Variants in DACH2 observed in about 807,000 individuals in gnomAD.
The protein encoded by DACH2 is dachshund homolog 2.
In DACH2, 17 loss-of-function variants were observed where a neutral mutation model predicts 35.8. The ratio of observed to expected loss-of-function variants is 0.48; its 90% CI spans 0.33 to 0.71. The LOEUF (loss-of-function observed/expected upper bound fraction) is 0.71, where lower values mean the gene tolerates loss of function less well. DACH2 is among the 30% of genes least tolerant of loss of function. The probability of loss-of-function intolerance (pLI) is 0.02; values close to 1 mark genes in which losing one functional copy is unlikely to be tolerated. For missense variants in DACH2, 469 were observed against 472.7 expected (o/e 0.99, Z 0.07); for synonymous variants, 195 against 177.3 (o/e 1.10, Z -0.79).
At chrX:86,795,232 C>CTTTT (rs35324617) in intron 7 of DACH2, among the ~76,000 whole-genome samples, 1 of 85,177 alleles carries the variant, frequency 1.2e-5, no homozygotes, top group Admixed American at 1.4e-4. Flanking sequence ...GAAGCATGTT[C>CTTTT]TTTTTTTTTT....
intron 5 of DACH2, among the ~76,000 whole-genome samples, chrX:86,707,423 A>C (rs1298102694): frequency 9.0e-6 from 1 of 111,668 alleles, no homozygotes; most frequent in Non-Finnish European, 1.9e-5. Context: ...AAAATATACC[A>C]ATTCTCTGCA....
At chrX:86,243,712 A>G (rs1374275218) in intron 1 of DACH2, among the ~76,000 whole-genome samples, 2 of 112,310 alleles carry the variant, frequency 1.8e-5, no homozygotes, top group Non-Finnish European at 3.8e-5. Context: ...GTTCATCAGA[A>G]TAAGACTGTA....
chrX:86,204,780 C>T (rs1035110322), intron 1 of DACH2, among the ~76,000 whole-genome samples: 4 of 111,786 alleles, frequency 3.6e-5, no homozygotes, highest in African/African-American at 1.3e-4. Context: ...TATTGGCACT[C>T]ACAGCAGCAG....
At chrX:86,595,113 A>G (rs1434845901) in intron 3 of DACH2, among the ~76,000 whole-genome samples, 1 of 110,462 alleles carries the variant, frequency 9.1e-6, no homozygotes, top group Non-Finnish European at 1.9e-5. Context: ...TTTCTTCTTC[A>G]ATTATATATT....
At chrX:86,532,671 T>G (rs540077843) in intron 3 of DACH2, among the ~76,000 whole-genome samples, 2 of 111,376 alleles carry the variant, frequency 1.8e-5, no homozygotes, top group Non-Finnish European at 3.8e-5. Context: ...AGTATGAAAA[T>G]GAACTAATAG....
At chrX:86,161,407 T>A in intron 1 of DACH2, 1 of 705,442 alleles carries the variant, frequency 1.4e-6, no homozygotes, top group Non-Finnish European at 2.0e-6. Context: ...CCTGGCAAAT[T>A]ACATGAGGCC....
At chrX:86,707,809 G>A (rs964471706) in intron 5 of DACH2, among the ~76,000 whole-genome samples, 2 of 104,484 alleles carry the variant, frequency 1.9e-5, no homozygotes, top group African/African-American at 7.1e-5. Flanking sequence ...CAGCTACTTG[G>A]GAGGCTGAAG....
chrX:86,813,362 G>T, intron 9 of DACH2, 85 bp downstream of exon 9: 1 of 891,488 alleles, frequency 1.1e-6, no homozygotes, highest in Non-Finnish European at 1.5e-6. Context: ...AAGATATCTT[G>T]GAGGCTGAGG....
chrX:86,467,905 G>T (rs779316453), intron 2 of DACH2, among the ~76,000 whole-genome samples: 2 of 111,446 alleles, frequency 1.8e-5, no homozygotes, highest in East Asian at 5.7e-4. Flanking sequence ...CATGAGAAGA[G>T]CACGGAGGTA....
At chrX:86,333,918 C>G (rs781508060) in intron 1 of DACH2, among the ~76,000 whole-genome samples, 95 of 111,077 alleles carry the variant, frequency 8.6e-4, no homozygotes, top group African/African-American at 3.1e-3. Flanking sequence ...TCCCCCACCA[C>G]CCAGCAGGCC....
intron 1 of DACH2, among the ~76,000 whole-genome samples, chrX:86,251,843 C>T (rs1173393050): frequency 2.7e-5 from 3 of 111,474 alleles, no homozygotes; most frequent in African/African-American, 9.8e-5. Flanking sequence ...TTATTTTCCT[C>T]TGGATGGGTA....
At chrX:86,463,344 C>T (rs1325392155) in intron 2 of DACH2, among the ~76,000 whole-genome samples, 2 of 109,472 alleles carry the variant, frequency 1.8e-5, no homozygotes, top group Non-Finnish European at 3.8e-5. Context: ...AAAAGTAAGA[C>T]GTGTAAATGC....
intron 2 of DACH2, among the ~76,000 whole-genome samples, chrX:86,442,806 G>C (rs1399913096): frequency 1.8e-5 from 2 of 110,700 alleles, no homozygotes; most frequent in Non-Finnish European, 3.8e-5. Context: ...TTGTGGAAGA[G>C]ACGGTCATTT....
chrX:86,333,997 A>G (rs2035258020), intron 1 of DACH2, among the ~76,000 whole-genome samples: 1 of 90,066 alleles, frequency 1.1e-5, no homozygotes, highest in South Asian at 3.9e-4. Flanking sequence ...ATGAGTGAGA[A>G]CATACACTGT....
intron 2 of DACH2, among the ~76,000 whole-genome samples, chrX:86,418,021 A>G (rs2036738551): frequency 9.0e-6 from 1 of 111,672 alleles, no homozygotes; most frequent in African/African-American, 3.3e-5. Context: ...TCCAACATCT[A>G]GCAGGGCAGT....
At chrX:86,209,850 T>C (rs1033008848) in intron 1 of DACH2, among the ~76,000 whole-genome samples, 1 of 111,322 alleles carries the variant, frequency 9.0e-6, no homozygotes, top group Admixed American at 9.6e-5. Flanking sequence ...AACAGAGTGA[T>C]AAATATAGAA....
At chrX:86,482,580 T>C (rs2037953311) in intron 2 of DACH2, among the ~76,000 whole-genome samples, 1 of 108,588 alleles carries the variant, frequency 9.2e-6, no homozygotes, top group Non-Finnish European at 1.9e-5. Context: ...TCAAATGGTA[T>C]TTCTAGTTCT....
In DACH2 at chrX:86,404,395, C is replaced by T. The variant is rs149247807; in HGVS notation, c.527+27533C>T. 4.0e-3 allele frequency among the ~76,000 whole-genome samples: 446 copies of T among 111,795 alleles called. 3 individuals are homozygous for T. Among genetic ancestry groups the T allele is most frequent in the African/African-American group, 0.014 (421 of 30,717 alleles). ...AGGCATTGGGTAAATAAACCCATTC[C>T]AAATGGGAGGAATTGGCCAAAACAA... is the stretch of plus-strand genomic sequence containing the variant. On this transcript the variant is annotated intron_variant, in intron 2 of 11. Coordinates refer to ENST00000373125, the MANE Select transcript of DACH2 (RefSeq NM_053281.3).
At chrX:86,381,347 C>A (rs1602458828) in intron 2 of DACH2, among the ~76,000 whole-genome samples, 1 of 111,147 alleles carries the variant, frequency 9.0e-6, no homozygotes, top group African/African-American at 3.3e-5. Flanking sequence ...TCACTTAGCA[C>A]AGATAAAAAT....
Sources: allele counts gnomAD v4.1 joint callset (sites outside exome capture counted in the v4.1 genomes callset), GRCh38; gene constraint gnomAD v4.1.1; transcripts MANE v1.5; gene names NCBI Gene and HGNC (gene_info 2026-07-23, HGNC 2026-07-21).